F13A1: variants seen among roughly 807,000 people sequenced by gnomAD.
The protein encoded by F13A1 is coagulation factor XIII A chain.
In F13A1, 47 loss-of-function variants were observed where a neutral mutation model predicts 80.1. That is an observed-to-expected ratio of 0.59 (90% CI 0.46 to 0.75). The LOEUF (loss-of-function observed/expected upper bound fraction) is 0.75. Among genes scored for constraint, F13A1 ranks in the 30% least tolerant of loss-of-function variants. F13A1 has a pLI of 0.00. For missense variants in F13A1, 817 were observed against 930.4 expected (o/e 0.88, Z 1.59); for synonymous variants, 349 against 344.9 (o/e 1.01, Z -0.13).
chr6:6,191,189 G>A (rs955082106), intron 10 of F13A1, among the ~76,000 whole-genome samples: 20 of 151,648 alleles, frequency 1.3e-4, no homozygotes, highest in African/African-American at 3.9e-4. Context: ...AGTCTTCTGC[G>A]TCACTCATGC....
chr6:6,212,942 A>G (rs555149497), intron 8 of F13A1, among the ~76,000 whole-genome samples: 183 of 152,346 alleles, frequency 1.2e-3, no homozygotes, highest in African/African-American at 4.3e-3. Context: ...ATGGAAGATG[A>G]AATGAATGAA....
At chr6:6,222,294 A>G in intron 7 of F13A1, 123 bp from the exon 8 acceptor site, 1 of 1,306,472 alleles carries the variant, frequency 7.7e-7, no homozygotes, top group Non-Finnish European at 1.1e-6. Context: ...TGGACATGTT[A>G]TTCTCAAATG....
chr6:6,190,196 G>C (rs1344560172), intron 10 of F13A1, among the ~76,000 whole-genome samples: 1 of 152,022 alleles, frequency 6.6e-6, no homozygotes, highest in Non-Finnish European at 1.5e-5. Flanking sequence ...AGAGTAATTT[G>C]ATCGTCTGAA....
At chr6:6,313,658 G>A (rs1036468833) in intron 2 of F13A1, among the ~76,000 whole-genome samples, 1 of 134,936 alleles carries the variant, frequency 7.4e-6, no homozygotes, top group Non-Finnish European at 1.6e-5. Flanking sequence ...AAGCATAAAT[G>A]CTATCCATGA....
At chr6:6,225,474 TG>T (rs1246820603) in intron 6 of F13A1, among the ~76,000 whole-genome samples, 1 of 152,128 alleles carries the variant, frequency 6.6e-6, no homozygotes. Context: ...AGAGGTTTTT[TG>T]TTTTTGTTTC....
chr6:6,216,598 A>C (rs1757092022), intron 8 of F13A1, among the ~76,000 whole-genome samples: 1 of 149,898 alleles, frequency 6.7e-6, no homozygotes, highest in Non-Finnish European at 1.5e-5. Flanking sequence ...AGGCAATACC[A>C]TTCAGGACAT....
intron 3 of F13A1, among the ~76,000 whole-genome samples, chr6:6,296,305 G>C (rs2113166633): frequency 6.6e-6 from 1 of 151,244 alleles, no homozygotes; most frequent in African/African-American, 2.4e-5. Context: ...AGCTTGATGG[G>C]GATGGCATTG....
rs768817595 is a variant in F13A1 at position 6,194,693 on chromosome 6, G to A, written c.1305+1104C>T. 1.4e-4 allele frequency among the ~76,000 whole-genome samples: 21 copies of A among 152,168 alleles called. 1 individual carries two copies. Among genetic ancestry groups the A allele is most frequent in the Non-Finnish European group, 4.4e-5 (3 of 68,042 alleles). On this transcript the variant is annotated intron_variant, in intron 10 of 14. Transcript: ENST00000264870. ...GTTATTTCATGTTCAGTGTGTTTGTGCCCTGTCACCTGGCATCTAGAAATA... is the reference window on the plus strand; with the variant it reads ...GTTATTTCATGTTCAGTGTGTTTGTACCCTGTCACCTGGCATCTAGAAATA...
At chr6:6,196,002 C>T (rs1461431381) in intron 9 of F13A1, 117 bp from the exon 10 acceptor site, 13 of 955,460 alleles carry the variant, frequency 1.4e-5, no homozygotes, top group Non-Finnish European at 1.8e-5. Flanking sequence ...AACTTCATTG[C>T]TGATTTAGCC....
chr6:6,264,553 C>T (rs1757818616), intron 4 of F13A1, among the ~76,000 whole-genome samples: 2 of 152,218 alleles, frequency 1.3e-5, no homozygotes, highest in East Asian at 3.9e-4. Flanking sequence ...ATCCTATTTC[C>T]TTCTTTATCT....
chr6:6,251,266 T>C (rs1445921535), intron 4 of F13A1, among the ~76,000 whole-genome samples: 1 of 152,258 alleles, frequency 6.6e-6, no homozygotes, highest in Non-Finnish European at 1.5e-5. Context: ...ATGATGCTGA[T>C]GTACGTCTCT....
intron 3 of F13A1, among the ~76,000 whole-genome samples, chr6:6,304,755 C>T (rs1423220520): frequency 1.3e-5 from 2 of 150,982 alleles, no homozygotes; most frequent in African/African-American, 4.9e-5. Context: ...CCCAGCTACT[C>T]TGGAGGCTGA....
chr6:6,270,365 T>C (rs1583103936), intron 3 of F13A1, among the ~76,000 whole-genome samples: 1 of 152,232 alleles, frequency 6.6e-6, no homozygotes, highest in Non-Finnish European at 1.5e-5. Flanking sequence ...ACCTTTAGTT[T>C]CCTTAAAGTC....
intron 6 of F13A1, among the ~76,000 whole-genome samples, chr6:6,230,846 A>G (rs564637803): frequency 5.4e-4 from 83 of 152,304 alleles, no homozygotes; most frequent in African/African-American, 1.9e-3. Context: ...AGAGACAATC[A>G]CTGCAATTTG....
In F13A1 at chr6:6,286,739, G is replaced by T. The variant is rs999174612; in HGVS notation, c.319+18612C>A. Among the ~76,000 whole-genome samples the T allele has an allele frequency of 3.9e-5, 6 of 152,306 alleles. No individual in the cohort carries two copies. The East Asian group carries it at 5.8e-4, about 15-fold the overall frequency. ...AGCAAGACAGAAACAGACAGGCCGG[G>T]ATGAAAGTAATAGAAATCTTAAGAA... On this transcript the variant is annotated intron_variant, in intron 3 of 14. Coordinates refer to ENST00000264870, the MANE Select transcript of F13A1 (RefSeq NM_000129.4).
chr6:6,179,237 A>G (rs968232465), intron 11 of F13A1, among the ~76,000 whole-genome samples: 3 of 152,252 alleles, frequency 2.0e-5, no homozygotes, highest in African/African-American at 4.8e-5. Flanking sequence ...ATATTGCCAC[A>G]GGAGAAGTCT....
At chr6:6,314,676 G>A (rs1758655171) in intron 2 of F13A1, among the ~76,000 whole-genome samples, 4 of 152,182 alleles carry the variant, frequency 2.6e-5, no homozygotes, top group Admixed American at 2.6e-4. Context: ...GAATTGCAAT[G>A]ATCTTTTATT....
At chr6:6,195,745 G>T in intron 10 of F13A1, 52 bp downstream of exon 10, 2 of 1,504,174 alleles carry the variant, frequency 1.3e-6, no homozygotes, top group Non-Finnish European at 1.8e-6. Context: ...ACTCTTTCAT[G>T]TGTTAAGAGG....
In F13A1 at chr6:6,174,580, A is replaced by G; in HGVS notation, c.1747T>C (p.Phe583Leu). 2 of 1,614,154 alleles carry G rather than the reference A, an allele frequency of 1.2e-6. No individual in the cohort carries two copies. Among genetic ancestry groups the G allele is most frequent in the Non-Finnish European group, 1.7e-6 (2 of 1,180,018 alleles). The change falls in exon 12 of 15, where the codon TTC (phenylalanine) becomes CTC (leucine). Residue 583 changes from phenylalanine (F) to leucine (L), a missense_variant and splice_region_variant. Coordinates refer to ENST00000264870, the MANE Select transcript of F13A1 (RefSeq NM_000129.4). Reference sequence around the variant, plus strand: ...AAGAACCACACCATTGTTAGCTTACAGGACAAGGGCTCCAGCGTCACGTCG... The same window carrying G: ...AAGAACCACACCATTGTTAGCTTACGGGACAAGGGCTCCAGCGTCACGTCG... ...TFDVTLEPLSFKKEAVLIQAG... is the reference protein window; with the variant it reads ...TFDVTLEPLSLKKEAVLIQAG...
Sources: gnomAD v4.1 joint callset for allele counts (sites outside exome capture counted in the v4.1 genomes callset) on GRCh38, gnomAD v4.1.1 for gene constraint, MANE v1.5 for transcripts, NCBI Gene and HGNC (gene_info 2026-07-23, HGNC 2026-07-21) for gene names.